DLGAP2: variants seen among roughly 807,000 people sequenced by gnomAD.
DLGAP2 encodes the protein DLG associated protein 2, also known as disks large-associated protein 2.
In DLGAP2, 26 loss-of-function variants were observed where a neutral mutation model predicts 100.3. The observed-to-expected ratio is 0.26, with a 90% CI of 0.19 to 0.36. The LOEUF (loss-of-function observed/expected upper bound fraction) is 0.36. DLGAP2 is among the 10% of genes least tolerant of loss of function. The pLI, the probability that DLGAP2 is intolerant of heterozygous loss-of-function variation, is 1.00. For synonymous variants in DLGAP2, 886 were observed against 630.1 expected, an observed-to-expected ratio of 1.41 and a Z score of -6.08; for missense variants, 1,858 against 1,453.2, an observed-to-expected ratio of 1.28 and a Z score of -4.53.
chr8:1,575,497 C>A (rs576628610), intron 6 of DLGAP2, among the ~76,000 whole-genome samples: 1 of 98,660 alleles, frequency 1.0e-5, no homozygotes, highest in African/African-American at 3.2e-5. Flanking sequence ...TATTTAAGTT[C>A]TAGGGTACAT....
At chr8:925,222 C>T (rs1798788151) in intron 2 of DLGAP2, among the ~76,000 whole-genome samples, 2 of 152,148 alleles carry the variant, frequency 1.3e-5, no homozygotes, top group South Asian at 4.2e-4. Context: ...CCTCCCATCT[C>T]AATCTCCAAA....
chr8:798,280 C>A (rs538021998), intron 1 of DLGAP2, among the ~76,000 whole-genome samples: 1 of 149,030 alleles, frequency 6.7e-6, no homozygotes, highest in Non-Finnish European at 1.5e-5. Context: ...ACCTGCAGCC[C>A]CGTGCCCCGG....
intron 2 of DLGAP2, among the ~76,000 whole-genome samples, chr8:953,667 T>G (rs888230141): frequency 1.3e-5 from 2 of 152,198 alleles, no homozygotes; most frequent in Non-Finnish European, 2.9e-5. Context: ...TTTTTTCACA[T>G]AAAAACAGAG....
At chr8:944,801 G>C (rs796674513) in intron 2 of DLGAP2, among the ~76,000 whole-genome samples, 1 of 129,438 alleles carries the variant, frequency 7.7e-6, no homozygotes, top group Middle Eastern at 5.1e-3. Flanking sequence ...GTAACCAGTC[G>C]ATATGGGTGA....
At chr8:1,049,359 C>T (rs7459467) in intron 2 of DLGAP2, among the ~76,000 whole-genome samples, 44,972 of 151,940 alleles carry the variant, frequency 0.3, 7,213 homozygotes, top group Middle Eastern at 0.38. Context: ...ACCTTCTTCC[C>T]GTGACTTGCT....
chr8:1,423,216 T>C (rs1212291390), intron 3 of DLGAP2, among the ~76,000 whole-genome samples: 3 of 152,208 alleles, frequency 2.0e-5, no homozygotes, highest in Non-Finnish European at 4.4e-5. Flanking sequence ...TGAGTTTTTT[T>C]AATGTAAACA....
chr8:1,346,629 A>G (rs1000932136), intron 3 of DLGAP2, among the ~76,000 whole-genome samples: 1 of 151,170 alleles, frequency 6.6e-6, no homozygotes, highest in African/African-American at 2.4e-5. Flanking sequence ...GAGTTCTGAA[A>G]CAGAGCTGCA....
intron 2 of DLGAP2, among the ~76,000 whole-genome samples, chr8:1,164,168 C>CTAATGTTTTGGTTTGTGGGGA (rs1563224139): frequency 3.5e-5 from 4 of 113,878 alleles, no homozygotes; most frequent in African/African-American, 3.5e-5. Flanking sequence ...CCCCCAGGGC[C>CTAATGTTTTGGTTTGTGGGGA]CGTCATTTTG....
intron 2 of DLGAP2, among the ~76,000 whole-genome samples, chr8:1,013,856 GCCTCCACTGTGTGTA>G (rs2129021812): frequency 2.7e-3 from 1 of 372 alleles, no homozygotes; most frequent in South Asian, 0.083. Flanking sequence ...GACAGACGAT[GCCTCCACTGTGTGTA>G]TGACCAGGAC....
chr8:865,564 T>A (rs1332932909), intron 1 of DLGAP2, among the ~76,000 whole-genome samples: 1 of 152,224 alleles, frequency 6.6e-6, no homozygotes, highest in East Asian at 1.9e-4. Flanking sequence ...TCATCTGCCT[T>A]CTCATCCTTT....
chr8:1,452,134 G>T (rs1798178114), intron 3 of DLGAP2, among the ~76,000 whole-genome samples: 1 of 152,256 alleles, frequency 6.6e-6, no homozygotes, highest in South Asian at 2.1e-4. Flanking sequence ...TCTTCCAGCT[G>T]TCTGTCAAGA....
At chr8:1,542,617 C>T (rs553564891) in intron 4 of DLGAP2, among the ~76,000 whole-genome samples, 3 of 152,292 alleles carry the variant, frequency 2.0e-5, no homozygotes, top group South Asian at 2.1e-4. Context: ...TGCGGTACAG[C>T]CCCCATGTTT....
chr8:1,210,975 C>T (rs534924388), intron 2 of DLGAP2, among the ~76,000 whole-genome samples: 17 of 152,340 alleles, frequency 1.1e-4, no homozygotes, highest in Admixed American at 8.5e-4. Flanking sequence ...TCCTCCCCAA[C>T]GTCCAGCGAG....
At chr8:965,549 G>GC (rs1799839757) in intron 2 of DLGAP2, among the ~76,000 whole-genome samples, 1 of 128,870 alleles carries the variant, frequency 7.8e-6, no homozygotes, top group Admixed American at 7.4e-5. Context: ...TCACCACACA[G>GC]GGCTCCTGAG....
chr8:1,594,337 AGG>A (rs1405113567), intron 6 of DLGAP2, among the ~76,000 whole-genome samples: 1 of 152,200 alleles, frequency 6.6e-6, no homozygotes, highest in Non-Finnish European at 1.5e-5. Context: ...ATGCCCCCTA[AGG>A]TCAAGAGAAC....
intron 1 of DLGAP2, among the ~76,000 whole-genome samples, chr8:899,069 C>A (rs377106904): frequency 3.3e-5 from 5 of 152,344 alleles, no homozygotes; most frequent in Admixed American, 3.3e-4. Flanking sequence ...AGATAACAAC[C>A]GTTGACTGAT....
rs183613946 is a variant in DLGAP2 at position 1,211,973 on chromosome 8, G to C, written c.74-46878G>C. Among the ~76,000 whole-genome samples, 12 of 152,370 alleles carry C rather than the reference G, an allele frequency of 7.9e-5. 1 individual carries two copies. In the East Asian group the frequency reaches 2.3e-3, roughly 29 times the overall value. The stretch of plus-strand genomic sequence containing the variant: ...GCCACCATTGTCAGGATGCAGGTCT[G>C]ACTGGCGCTGTGGAAACACAAGGCT... On this transcript the variant is annotated intron_variant, in intron 2 of 14. Transcript: ENST00000637795.
Position 926,021 on chromosome 8 carries a change from C to T in DLGAP2, c.73+18055C>T, listed in dbSNP as rs570806171. Among the ~76,000 whole-genome samples, 8 of 152,138 alleles carry T rather than the reference C, an allele frequency of 5.3e-5. No homozygotes were observed. In the East Asian group the frequency reaches 5.8e-4, roughly 11 times the overall value. ...TGAGTAACTCACTTGGGCTCCGGGC[C>T]GCTCGGGGGCACAGAGCAGGTCTTA... On this transcript the variant is annotated intron_variant, in intron 2 of 14. Transcript: ENST00000637795.
intron 2 of DLGAP2, among the ~76,000 whole-genome samples, chr8:1,251,810 G>A (rs545176931): frequency 2.0e-5 from 3 of 152,128 alleles, no homozygotes; most frequent in African/African-American, 2.4e-5. Flanking sequence ...TCACGTCATC[G>A]CACTGTTGCA....
Sources: allele counts gnomAD v4.1 joint callset (sites outside exome capture counted in the v4.1 genomes callset), GRCh38; gene constraint gnomAD v4.1.1; transcripts MANE v1.5; gene names NCBI Gene and HGNC (gene_info 2026-07-23, HGNC 2026-07-21).